The following FERRY3 variants were observed in gnomAD, a reference collection of about 807,000 sequenced individuals.
FERRY3 encodes protein C12orf4.
At chr12:4,528,880 G>A in the FERRY3 span, among the ~76,000 whole-genome samples, 1 of 139,854 alleles carries the variant, frequency 7.2e-6, no homozygotes, top group African/African-American at 2.6e-5. Flanking sequence ...TACTCCTTTG[G>A]GACTATTAAA....
At chr12:4,513,639 G>A in the FERRY3 span, among the ~76,000 whole-genome samples, 1 of 152,124 alleles carries the variant, frequency 6.6e-6, no homozygotes, top group Non-Finnish European at 1.5e-5. Flanking sequence ...AACAAGCAAT[G>A]GGGAAAGGAT....
chr12:4,530,054 C>CAAGATAATATACAGACAATCTT, the FERRY3 span: 2 of 1,605,442 alleles, frequency 1.2e-6, no homozygotes, highest in Non-Finnish European at 1.7e-6. Context: ...ACGTGGTCTA[C>CAAGATAATATACAGACAATCTT]AAGATAATAT....
the FERRY3 span, among the ~76,000 whole-genome samples, chr12:4,515,473 G>T: frequency 3.9e-5 from 6 of 152,120 alleles, no homozygotes; most frequent in African/African-American, 2.4e-5. Flanking sequence ...CCTTAAACAA[G>T]AAAATCCTGC....
At chr12:4,502,634 C>T in the FERRY3 span, among the ~76,000 whole-genome samples, 2 of 152,218 alleles carry the variant, frequency 1.3e-5, no homozygotes, top group Non-Finnish European at 2.9e-5. This position sits in a 1 kb window ranked among gnomAD's most constrained non-coding sequence, Gnocchi z 4.2. Context: ...AAATTCTGCT[C>T]GCCCTTGCAG....
chr12:4,531,869 T>A, the FERRY3 span, among the ~76,000 whole-genome samples: 3 of 152,176 alleles, frequency 2.0e-5, no homozygotes, highest in African/African-American at 7.2e-5. Context: ...TGGAAACCCA[T>A]CCAAGGCACT....
At chr12:4,516,227 C>T in the FERRY3 span, among the ~76,000 whole-genome samples, 2 of 152,088 alleles carry the variant, frequency 1.3e-5, no homozygotes, top group African/African-American at 4.8e-5. Flanking sequence ...CAAAAGATCA[C>T]CAACTTTCCA....
At chr12:4,495,287 AT>A in the FERRY3 span, among the ~76,000 whole-genome samples, 21 of 152,332 alleles carry the variant, frequency 1.4e-4, no homozygotes, top group Admixed American at 8.5e-4. Context: ...TCATCTTAAA[AT>A]ATTACTCTAA....
the FERRY3 span, among the ~76,000 whole-genome samples, chr12:4,509,838 C>T: frequency 1.0e-4 from 14 of 138,158 alleles, 1 homozygote; most frequent in East Asian, 1.6e-3. Flanking sequence ...AAACGCAGAG[C>T]GTCTCTCCTC....
chr12:4,505,270 A>C, the FERRY3 span: 2 of 1,348,946 alleles, frequency 1.5e-6, no homozygotes, highest in South Asian at 2.4e-5. Flanking sequence ...TTTTGGTATA[A>C]GAAAACAGTA....
chr12:4,526,988 C>T, the FERRY3 span, among the ~76,000 whole-genome samples: 10 of 152,074 alleles, frequency 6.6e-5, no homozygotes, highest in African/African-American at 2.4e-4. Flanking sequence ...TTAAATCCCA[C>T]TTAGTTCTAA....
the FERRY3 span, among the ~76,000 whole-genome samples, chr12:4,536,465 C>T: frequency 6.6e-6 from 1 of 150,826 alleles, no homozygotes; most frequent in Non-Finnish European, 1.5e-5. Flanking sequence ...CCATAAAGTA[C>T]TTTATATTCC....
chr12:4,491,999 G>A, the FERRY3 span, among the ~76,000 whole-genome samples: 1 of 152,276 alleles, frequency 6.6e-6, no homozygotes, highest in East Asian at 1.9e-4. Context: ...AGGATTGCTT[G>A]AGTCCAAGAG....
the FERRY3 span, among the ~76,000 whole-genome samples, chr12:4,510,191 G>C: frequency 7.0e-6 from 1 of 142,528 alleles, no homozygotes; most frequent in Non-Finnish European, 1.5e-5. Flanking sequence ...GGGAAGTTTA[G>C]AGAAAAAAGA....
At chr12:4,507,877 A>G in the FERRY3 span, among the ~76,000 whole-genome samples, 1 of 152,194 alleles carries the variant, frequency 6.6e-6, no homozygotes, top group African/African-American at 2.4e-5. Flanking sequence ...ACATACATAA[A>G]CATCTGTCTG....
chr12:4,490,082 A>G, the FERRY3 span, among the ~76,000 whole-genome samples: 3 of 152,150 alleles, frequency 2.0e-5, no homozygotes, highest in African/African-American at 7.2e-5. Context: ...TTCCGGCTCC[A>G]TCTTCTGAGA....
At chr12:4,502,645 C>G in the FERRY3 span, among the ~76,000 whole-genome samples, 1 of 152,192 alleles carries the variant, frequency 6.6e-6, no homozygotes, top group Non-Finnish European at 1.5e-5. This position sits in a 1 kb window ranked among gnomAD's most constrained non-coding sequence, Gnocchi z 4.2. Context: ...GCCCTTGCAG[C>G]AACATCATTA....
chr12:4,502,308 C>G, the FERRY3 span: 1 of 399,674 alleles, frequency 2.5e-6, no homozygotes. This position sits in a 1 kb window ranked among gnomAD's most constrained non-coding sequence, Gnocchi z 4.2. Flanking sequence ...AGTAGAACAG[C>G]ACCTGGCACG....
At chr12:4,525,420 C>CA in the FERRY3 span, 4 of 1,597,328 alleles carry the variant, frequency 2.5e-6, no homozygotes, top group Non-Finnish European at 3.4e-6. Context: ...TTAACAAAAA[C>CA]AAACAAACAA....
At chr12:4,489,129 AAAG>A in the FERRY3 span, 2 of 152,644 alleles carry the variant, frequency 1.3e-5, no homozygotes, top group Non-Finnish European at 2.9e-5. Flanking sequence ...AGCTTGCAAA[AAAG>A]AACACTATTT....
Sources: allele counts gnomAD v4.1 joint callset (sites outside exome capture counted in the v4.1 genomes callset), GRCh38; gene constraint gnomAD v4.1.1; non-coding constraint Gnocchi (gnomAD v3.1); transcripts MANE v1.5; gene names NCBI Gene and HGNC (gene_info 2026-07-23, HGNC 2026-07-21).